The following TNIP3 variants were observed in gnomAD, a reference collection of about 807,000 sequenced individuals.
TNIP3 encodes TNFAIP3 interacting protein 3.
A neutral mutation model predicts 54.1 loss-of-function variants in TNIP3; 34 were observed. The ratio of observed to expected loss-of-function variants is 0.63; its 90% CI spans 0.48 to 0.84. TNIP3 has a LOEUF of 0.84. Among genes scored for constraint, TNIP3 ranks in the 40% least tolerant of loss-of-function variants. The pLI is 0.00. For missense variants in TNIP3, 366 were observed against 387.6 expected (o/e 0.94, Z 0.47); for synonymous variants, 134 against 136.8 (o/e 0.98, Z 0.14).
intron 2 of TNIP3, among the ~76,000 whole-genome samples, chr4:121,214,206 G>A (rs890998945): frequency 3.3e-5 from 5 of 152,028 alleles, no homozygotes; most frequent in Admixed American, 2.0e-4. Context: ...CATGGACCGC[G>A]GCCCCTGCCT....
intron 6 of TNIP3, among the ~76,000 whole-genome samples, chr4:121,148,986 A>T (rs1481382691): frequency 6.6e-6 from 1 of 152,178 alleles, no homozygotes; most frequent in African/African-American, 2.4e-5. Flanking sequence ...TCCTTTATGT[A>T]TCCTGTATTT....
intron 10 of TNIP3, chr4:121,137,980 G>A (rs772027562): frequency 2.2e-6 from 1 of 456,136 alleles, no homozygotes; most frequent in South Asian, 1.5e-5. Context: ...GGCCTCACAA[G>A]ACCATAGAAA....
chr4:121,141,338 G>A (rs927670376), intron 9 of TNIP3, among the ~76,000 whole-genome samples: 2 of 152,190 alleles, frequency 1.3e-5, no homozygotes, highest in Non-Finnish European at 2.9e-5. Flanking sequence ...AACAACTTAA[G>A]TGGGTCACTT....
chr4:121,132,755 C>T lies in TNIP3; in HGVS notation c.947-93G>A, dbSNP rs900021297. 8.4e-5 allele frequency: 66 copies of T among 787,486 alleles called. 1 individual carries two copies. In the African/African-American group the frequency reaches 1.1e-3, roughly 14 times the overall value. The allele number at this position is 787,486 out of a possible 1,614,324, so 48.8% of individuals were successfully genotyped here. A position where few individuals can be genotyped will look rare whatever the true frequency, so the allele number is the denominator to read the frequency against. On this transcript the variant is annotated intron_variant, in intron 10 of 10. Coordinates refer to ENST00000057513, the MANE Select transcript of TNIP3 (RefSeq NM_024873.6). ...AGGCTGACATAAAGTTCCAGGATGG[C>T]AAAAAAAAAAAAAAGTTATGTTATA... is the stretch of plus-strand genomic sequence containing the variant.
At chr4:121,217,908 G>A (rs1726867316), upstream of TNIP3, among the ~76,000 whole-genome samples, 1 of 152,104 alleles carries the variant, frequency 6.6e-6, no homozygotes, top group Non-Finnish European at 1.5e-5. Context: ...TGACACTGTG[G>A]AGAACACGCT....
intron 2 of TNIP3, among the ~76,000 whole-genome samples, chr4:121,185,066 TC>T (rs1724936517): frequency 6.6e-6 from 1 of 152,192 alleles, no homozygotes; most frequent in Non-Finnish European, 1.5e-5. Context: ...TGGTCCTACA[TC>T]CCTCTGTGAC....
chr4:121,193,001 C>T (rs1725378930), intron 2 of TNIP3: 1 of 152,112 alleles, frequency 6.6e-6, no homozygotes, highest in South Asian at 2.1e-4. Context: ...CGTATATGCT[C>T]TGTAGAAGCT....
chr4:121,144,777 A>C (rs1011845015), intron 7 of TNIP3, among the ~76,000 whole-genome samples: 2 of 152,218 alleles, frequency 1.3e-5, no homozygotes, highest in African/African-American at 4.8e-5. Context: ...TATATTTTAC[A>C]GGCAGGTATA....
chr4:121,143,021 T>C (rs1729213637), intron 7 of TNIP3, among the ~76,000 whole-genome samples: 1 of 152,236 alleles, frequency 6.6e-6, no homozygotes, highest in African/African-American at 2.4e-5. Flanking sequence ...GGTAGATCTA[T>C]TTAGATACAG....
At chr4:121,173,901 G>A (rs1579440527) in intron 3 of TNIP3, among the ~76,000 whole-genome samples, 4 of 152,336 alleles carry the variant, frequency 2.6e-5, no homozygotes, top group South Asian at 4.1e-4. Flanking sequence ...AAAGTGCTGG[G>A]ATTACAGGCG....
At chr4:121,173,116 C>A (rs1724071879) in intron 3 of TNIP3, among the ~76,000 whole-genome samples, 2 of 152,106 alleles carry the variant, frequency 1.3e-5, no homozygotes, top group South Asian at 2.1e-4. Flanking sequence ...GGTTTACTTC[C>A]CCCAAAGAAC....
intron 3 of TNIP3, among the ~76,000 whole-genome samples, chr4:121,177,142 T>A (rs558526143): frequency 6.6e-5 from 10 of 152,376 alleles, no homozygotes; most frequent in African/African-American, 2.4e-4. Context: ...CCTGTCCCTT[T>A]CTTTTATATT....
At chr4:121,135,326 T>A (rs1311650638) in intron 10 of TNIP3, among the ~76,000 whole-genome samples, 4 of 152,208 alleles carry the variant, frequency 2.6e-5, no homozygotes, top group Admixed American at 2.6e-4. Context: ...TTTAGTGGTA[T>A]CATTGAAATT....
At chr4:121,218,731 C>A (rs955090510), upstream of TNIP3, among the ~76,000 whole-genome samples, 2 of 151,630 alleles carry the variant, frequency 1.3e-5, no homozygotes, top group African/African-American at 4.9e-5. Context: ...CACTATAGTT[C>A]TGAACTCTTG....
intron 10 of TNIP3, among the ~76,000 whole-genome samples, chr4:121,134,581 A>T (rs990294548): frequency 6.6e-6 from 1 of 152,222 alleles, no homozygotes. Flanking sequence ...ACTTGAAAAC[A>T]TTCGAAACCC....
upstream of TNIP3, among the ~76,000 whole-genome samples, chr4:121,165,659 T>TTGTGTGTG (rs67730856): frequency 1.0e-3 from 150 of 146,804 alleles, no homozygotes; most frequent in African/African-American, 1.4e-3. Flanking sequence ...TTTTGCTAGT[T>TTGTGTGTG]TGTGTGTGTG....
intron 2 of TNIP3, among the ~76,000 whole-genome samples, chr4:121,186,261 G>C (rs553307891): frequency 6.6e-6 from 1 of 152,160 alleles, no homozygotes; most frequent in Non-Finnish European, 1.5e-5. Flanking sequence ...GAGAGAGTGG[G>C]CGTCAGTGTT....
At chr4:121,183,504 C>T (rs569583711) in intron 2 of TNIP3, among the ~76,000 whole-genome samples, 1 of 152,302 alleles carries the variant, frequency 6.6e-6, no homozygotes, top group South Asian at 2.1e-4. Context: ...TTCCTTTATA[C>T]CAGGGGTCCC....
chr4:121,154,647 A>G lies in TNIP3; in HGVS notation c.396T>C (p.His132=). Residue 132 remains histidine (H), a synonymous_variant, in exon 5 of 11, where the codon CAT becomes CAC. Transcript: ENST00000057513. ...KEKERLNEEL[H]ELKEENKLLK... Reference sequence around the variant, plus strand: ...AAAGTTTATTCTCTTCTTTCAATTCATGTAATTCTTCATTTAGGCGTTCCT... The same window carrying G: ...AAAGTTTATTCTCTTCTTTCAATTCGTGTAATTCTTCATTTAGGCGTTCCT... 6.2e-7 allele frequency: 1 copy of G among 1,611,492 alleles called. No individual in the cohort carries two copies. Among genetic ancestry groups the G allele is most frequent in the Non-Finnish European group, 8.5e-7 (1 of 1,179,364 alleles).
Sources: gnomAD v4.1 joint callset for allele counts (sites outside exome capture counted in the v4.1 genomes callset) on GRCh38, gnomAD v4.1.1 for gene constraint, MANE v1.5 for transcripts, NCBI Gene and HGNC (gene_info 2026-07-23, HGNC 2026-07-21) for gene names.